Variants in RASAL2 observed in about 807,000 individuals in gnomAD.
RASAL2 encodes RAS protein activator like 2.
In RASAL2, 58 loss-of-function variants were observed where a neutral mutation model predicts 128.9. The observed-to-expected ratio is 0.45, with a 90% CI of 0.36 to 0.56. The LOEUF (loss-of-function observed/expected upper bound fraction) is 0.56. Among genes scored for constraint, RASAL2 ranks in the 20% least tolerant of loss-of-function variants. RASAL2 has a pLI of 0.00. For missense variants in RASAL2, 1,360 were observed against 1,601.6 expected, an observed-to-expected ratio of 0.85 and a Z score of 2.57; for synonymous variants, 561 against 580.8, an observed-to-expected ratio of 0.97 and a Z score of 0.49.
At chr1:178,155,231 A>G (rs1661043593) in intron 1 of RASAL2, among the ~76,000 whole-genome samples, 1 of 152,198 alleles carries the variant, frequency 6.6e-6, no homozygotes, top group South Asian at 2.1e-4. Flanking sequence ...GGTTGTTAGA[A>G]AATACTGTAA....
chr1:178,231,757 G>T (rs1190684230), intron 1 of RASAL2, among the ~76,000 whole-genome samples: 2 of 151,952 alleles, frequency 1.3e-5, no homozygotes, highest in African/African-American at 4.8e-5. Flanking sequence ...GATATTTATT[G>T]TTCCTTTCCT....
chr1:178,233,704 C>T (rs1664107263), intron 1 of RASAL2, among the ~76,000 whole-genome samples: 1 of 152,210 alleles, frequency 6.6e-6, no homozygotes. Context: ...AGATCTGTTT[C>T]AGAACCAGAA....
At chr1:178,399,076 A>C (rs1673444927) in intron 4 of RASAL2, among the ~76,000 whole-genome samples, 1 of 152,188 alleles carries the variant, frequency 6.6e-6, no homozygotes, top group South Asian at 2.1e-4. Flanking sequence ...GGGACAATGG[A>C]GAATTCGTGG....
rs141262578 is a variant in RASAL2 at position 178,128,703 on chromosome 1, C to T, written c.202+34009C>T. 1.1e-4 allele frequency among the ~76,000 whole-genome samples: 16 copies of T among 152,232 alleles called. No individual in the cohort carries two copies. In the East Asian group the frequency reaches 2.9e-3, roughly 28 times the overall value. Reference sequence around the variant, plus strand: ...TCTGTTTGCAGTTAATTCCCACTCCCAGCCCTAGGCAACCACTGATCTGCT... The same window carrying T: ...TCTGTTTGCAGTTAATTCCCACTCCTAGCCCTAGGCAACCACTGATCTGCT... On this transcript the variant is annotated intron_variant, in intron 1 of 17. Coordinates refer to ENST00000367649, the MANE Select transcript of RASAL2 (RefSeq NM_170692.4).
intron 3 of RASAL2, among the ~76,000 whole-genome samples, chr1:178,335,273 C>T (rs1314168664): frequency 1.3e-5 from 2 of 151,984 alleles, no homozygotes; most frequent in Admixed American, 1.3e-4. Context: ...AGCATATCTA[C>T]AAACCAAAGA....
At chr1:178,369,062 A>T (rs1671561030) in intron 3 of RASAL2, among the ~76,000 whole-genome samples, 1 of 152,180 alleles carries the variant, frequency 6.6e-6, no homozygotes, top group Non-Finnish European at 1.5e-5. Context: ...GGACTAGTTC[A>T]TGCTTTGTTC....
At chr1:178,145,076 A>C (rs959107403) in intron 1 of RASAL2, among the ~76,000 whole-genome samples, 1 of 152,206 alleles carries the variant, frequency 6.6e-6, no homozygotes, top group Non-Finnish European at 1.5e-5. Flanking sequence ...AATTACCAAA[A>C]AGCTCTATGG....
chr1:178,109,359 C>T (rs1435118249), intron 1 of RASAL2, among the ~76,000 whole-genome samples: 1 of 152,126 alleles, frequency 6.6e-6, no homozygotes, highest in East Asian at 1.9e-4. Flanking sequence ...GCCTCAGTCT[C>T]CCAGGGAGCT....
At chr1:178,306,066 G>A (rs1383478805) in intron 3 of RASAL2, among the ~76,000 whole-genome samples, 1 of 152,130 alleles carries the variant, frequency 6.6e-6, no homozygotes, top group Non-Finnish European at 1.5e-5. Flanking sequence ...CAGTTACCAA[G>A]GATACTAAAT....
chr1:178,111,811 C>T (rs1174730303), intron 1 of RASAL2, among the ~76,000 whole-genome samples: 5 of 152,166 alleles, frequency 3.3e-5, no homozygotes, highest in Non-Finnish European at 7.3e-5. Context: ...CTCACTGCAA[C>T]CTCCGCCTCC....
chr1:178,200,677 C>T (rs963829537), intron 1 of RASAL2, among the ~76,000 whole-genome samples: 2 of 152,152 alleles, frequency 1.3e-5, no homozygotes, highest in African/African-American at 4.8e-5. Flanking sequence ...GCATGGACAG[C>T]CTCGCCAGGT....
Position 178,478,127 on chromosome 1 carries a change from C to T in RASAL2, c.*4888C>T, listed in dbSNP as rs1648802670. The T allele has an allele frequency of 6.6e-6, 1 of 151,960 alleles. No individual in the cohort carries two copies. The highest frequency in any genetic ancestry group is 1.5e-5 in the Non-Finnish European group (1 of 67,974). The allele number at this position is 151,960 out of a possible 1,614,324, so 9.4% of individuals were successfully genotyped here. On this transcript the variant is annotated 3_prime_UTR_variant, in exon 18 of 18. Transcript: ENST00000367649. Reference sequence around the variant, plus strand: ...AGTTGCTATCTTCCACTTAAATACCCTCATTTGACCCTAGGAAGTTTTTTG... The same window carrying T: ...AGTTGCTATCTTCCACTTAAATACCTTCATTTGACCCTAGGAAGTTTTTTG...
At chr1:178,103,146 T>A (rs1162433494) in intron 1 of RASAL2, among the ~76,000 whole-genome samples, 2 of 152,162 alleles carry the variant, frequency 1.3e-5, no homozygotes, top group African/African-American at 4.8e-5. Context: ...CCATTAGAAC[T>A]GATTTTTATC....
chr1:178,434,468 T>C (rs1676126874), intron 5 of RASAL2, among the ~76,000 whole-genome samples: 1 of 152,162 alleles, frequency 6.6e-6, no homozygotes, highest in East Asian at 1.9e-4. Flanking sequence ...CTGACAAATA[T>C]CCTTCTTCAT....
chr1:178,262,051 A>G (rs1441110842), intron 1 of RASAL2, among the ~76,000 whole-genome samples: 1 of 152,150 alleles, frequency 6.6e-6, no homozygotes, highest in Non-Finnish European at 1.5e-5. Context: ...TAAATTCTTA[A>G]TCCTCTTTTT....
chr1:178,178,732 C>A (rs1276178361), intron 1 of RASAL2, among the ~76,000 whole-genome samples: 1 of 152,008 alleles, frequency 6.6e-6, no homozygotes, highest in Non-Finnish European at 1.5e-5. Context: ...CACAAGAGAT[C>A]ATAATTAAAA....
intron 1 of RASAL2, among the ~76,000 whole-genome samples, chr1:178,097,378 G>C (rs1658732234): frequency 6.6e-6 from 1 of 152,096 alleles, no homozygotes; most frequent in African/African-American, 2.4e-5. Context: ...CTTTATCCTG[G>C]CTCTTGGGGC....
intron 1 of RASAL2, among the ~76,000 whole-genome samples, chr1:178,203,463 G>A (rs1200431839): frequency 6.6e-6 from 1 of 152,156 alleles, no homozygotes; most frequent in African/African-American, 2.4e-5. Flanking sequence ...ACATGGTACT[G>A]TTTCTTGCAT....
At chr1:178,330,125 A>G (rs1054225199) in intron 3 of RASAL2, among the ~76,000 whole-genome samples, 7 of 152,340 alleles carry the variant, frequency 4.6e-5, no homozygotes, top group Non-Finnish European at 2.9e-5. Flanking sequence ...TTAAGGCACT[A>G]GTTTATTACA....
Sources: gnomAD v4.1 joint callset for allele counts (sites outside exome capture counted in the v4.1 genomes callset) on GRCh38, gnomAD v4.1.1 for gene constraint, MANE v1.5 for transcripts, NCBI Gene and HGNC (gene_info 2026-07-23, HGNC 2026-07-21) for gene names.